MOB2: variants seen among roughly 807,000 people sequenced by gnomAD.
MOB2 encodes the protein MOB2 Mps One Binder homolog.
MOB2 carries 14 observed loss-of-function variants against 27.4 expected under a neutral mutation model. That is an observed-to-expected ratio of 0.51 (90% confidence interval 0.34 to 0.80). MOB2 has a LOEUF of 0.80. Ranked by LOEUF, MOB2 falls within the 30% of genes least tolerant of loss-of-function variation. The pLI is 0.01. For missense variants in MOB2, 304 were observed against 354.6 expected (o/e 0.86, Z 1.15); for synonymous variants, 167 against 151.8 (o/e 1.10, Z -0.74).
chr11:1,484,277 GC>G (rs1265323221), intron 1 of MOB2, among the ~76,000 whole-genome samples: 1 of 152,186 alleles, frequency 6.6e-6, no homozygotes, highest in African/African-American at 2.4e-5. Flanking sequence ...GGCACGAGGG[GC>G]CCAGAAATAC....
chr11:1,471,542 A>C, intron 3 of MOB2, 123 bp from the exon 4 acceptor site: 2 of 1,246,786 alleles, frequency 1.6e-6, no homozygotes, highest in Non-Finnish European at 2.2e-6. Context: ...TGGCAGACCC[A>C]GGTGTCTCCC....
At chr11:1,476,615 T>C (rs1466286571) in intron 3 of MOB2, among the ~76,000 whole-genome samples, 1 of 152,266 alleles carries the variant, frequency 6.6e-6, no homozygotes, top group East Asian at 1.9e-4. Context: ...ATCTCAGTGC[T>C]TTCTGTTCTT....
At chr11:1,475,160 G>T (rs1847838690) in intron 3 of MOB2, among the ~76,000 whole-genome samples, 1 of 152,136 alleles carries the variant, frequency 6.6e-6, no homozygotes, top group African/African-American at 2.4e-5. Flanking sequence ...TTATAACTAA[G>T]GATCGCATTA....
At position 1,469,935 on chromosome 11, in the gene MOB2, G is replaced by C. The variant is rs780098436; in HGVS notation, c.*237C>G. ...TCAGTCCCATGCGTGTCTGCTGAACGAGTGAATGGGCCCAAAGGCTCTTCT... is the reference window on the plus strand; with the variant it reads ...TCAGTCCCATGCGTGTCTGCTGAACCAGTGAATGGGCCCAAAGGCTCTTCT... On this transcript the variant is annotated 3_prime_UTR_variant, in exon 5 of 5. Coordinates refer to ENST00000329957, the MANE Select transcript of MOB2 (RefSeq NM_001172223.3). 1.1e-6 allele frequency: 1 copy of C among 951,802 alleles called. No homozygotes were observed. Among genetic ancestry groups the C allele is most frequent in the East Asian group, 2.6e-5 (1 of 38,030 alleles). The allele number at this position is 951,802 out of a possible 1,614,324, so 59.0% of individuals were successfully genotyped here.
At position 1,470,375 on chromosome 11, in the gene MOB2, G is replaced by C. The variant is rs1847771528; in HGVS notation, c.604C>G (p.Leu202Val). ...AHFKETLALELHGHLNTLYVH... is the reference protein window; with the variant it reads ...AHFKETLALEVHGHLNTLYVH... Reference sequence around the variant, plus strand: ...TAGAGCGTGTTCAAGTGTCCGTGCAGCTCCAGGGCCAGCGTCTCCTTGAAG... The same window carrying C: ...TAGAGCGTGTTCAAGTGTCCGTGCACCTCCAGGGCCAGCGTCTCCTTGAAG... Residue 202 changes from leucine to valine, a missense_variant, in exon 5 of 5, where the codon CTG (leucine) becomes GTG (valine). Physicochemically the swap from Leu to Val is conservative, Grantham distance 32. Coordinates refer to ENST00000329957, the MANE Select transcript of MOB2 (RefSeq NM_001172223.3). 1 of 1,613,564 alleles carries C rather than the reference G, an allele frequency of 6.2e-7. No homozygotes were observed. The highest frequency in any genetic ancestry group is 1.1e-5 in the South Asian group (1 of 91,090).
chr11:1,474,723 C>T (rs1251684944), intron 3 of MOB2, among the ~76,000 whole-genome samples: 10 of 152,306 alleles, frequency 6.6e-5, no homozygotes, highest in Non-Finnish European at 7.3e-5. Flanking sequence ...TCCATCCACA[C>T]GTTTGTGTGG....
At position 1,469,651 on chromosome 11, in the gene MOB2, G is replaced by C. The variant is rs1483619723; in HGVS notation, c.*521C>G. On this transcript the variant is annotated 3_prime_UTR_variant, in exon 5 of 5. Coordinates refer to ENST00000329957, the MANE Select transcript of MOB2 (RefSeq NM_001172223.3). ...TGACAGGAGCAGGAGCAGGTGCAGG[G>C]CACCTCACACCACAGGCCTCCCCCA... The C allele has an allele frequency of 2.2e-6, 1 of 457,122 alleles. No homozygotes were observed. Among genetic ancestry groups the C allele is most frequent in the Admixed American group, 2.3e-5 (1 of 42,586 alleles). 28.3% of individuals were successfully genotyped at this position (457,122 alleles called of 1,614,324 possible). A position where few individuals can be genotyped will look rare whatever the true frequency, so the allele number is the denominator to read the frequency against.
In MOB2 at chr11:1,486,671, G is replaced by T; in HGVS notation, c.-115C>A. On this transcript the variant is annotated 5_prime_UTR_variant, in exon 1 of 5. Coordinates refer to ENST00000329957, the MANE Select transcript of MOB2 (RefSeq NM_001172223.3). Reference sequence around the variant, plus strand: ...TCACTCCCTGGCCAATGGGACGCCTGGCAGAGACAAACAGCTGCCCCCTTT... The same window carrying T: ...TCACTCCCTGGCCAATGGGACGCCTTGCAGAGACAAACAGCTGCCCCCTTT... 1 of 689,494 alleles carries T rather than the reference G, an allele frequency of 1.5e-6. No individual in the cohort carries two copies. Among genetic ancestry groups the T allele is most frequent in the Non-Finnish European group, 2.5e-6 (1 of 400,542 alleles). 42.7% of individuals were successfully genotyped at this position (689,494 alleles called of 1,614,324 possible).
In MOB2 at chr11:1,486,488, G is replaced by A. The variant is rs1456890679; in HGVS notation, c.69C>T (p.Leu23=). ...CAGCCTGAAGCACCATTTTGCAGCA[G>A]AGTCCACTTTGCAGGGACTGGCCGG... ...ARPGQSLQSG[L]CCKMVLQAVS... The change falls in exon 1 of 5, where the codon CTC becomes CTT. Residue 23 remains leucine, a synonymous_variant. Transcript: ENST00000329957. 2 of 1,535,936 alleles carry A rather than the reference G, an allele frequency of 1.3e-6. No individual in the cohort carries two copies. Among genetic ancestry groups the A allele is most frequent in the Non-Finnish European group, 1.7e-6 (2 of 1,146,838 alleles).
At chr11:1,482,392 C>G (rs1290206411) in intron 1 of MOB2, among the ~76,000 whole-genome samples, 1 of 152,234 alleles carries the variant, frequency 6.6e-6, no homozygotes, top group Non-Finnish European at 1.5e-5. Flanking sequence ...GCCAGCCTTC[C>G]AGGCTGGGGC....
chr11:1,479,357 G>A (rs1847885139), intron 3 of MOB2, among the ~76,000 whole-genome samples: 1 of 152,208 alleles, frequency 6.6e-6, no homozygotes, highest in Non-Finnish European at 1.5e-5. Flanking sequence ...GTCTCACATT[G>A]AGCTTGCTCC....
chr11:1,486,222 C>A (rs1362874827), intron 1 of MOB2, among the ~76,000 whole-genome samples: 1 of 152,276 alleles, frequency 6.6e-6, no homozygotes, highest in East Asian at 1.9e-4. Context: ...CTGGGCAGGG[C>A]TCCAGAGCAA....
chr11:1,472,803 TGGGCACAGGGCCTCCAGTGTCTCC>T (rs71025735), intron 3 of MOB2: 66,464 of 154,722 alleles, frequency 0.43, 15,488 homozygotes, highest in East Asian at 0.62. Context: ...TCCTCCCAGC[TGGGCACAGGGCCTCCAGTGTCTCC>T]GGGCACAGGG....
intron 2 of MOB2, 84 bp from the exon 3 acceptor site, chr11:1,480,570 G>A: frequency 6.5e-7 from 1 of 1,549,732 alleles, no homozygotes; most frequent in East Asian, 2.2e-5. Flanking sequence ...AACAGGTGCA[G>A]GAGCTCGGCT....
intron 1 of MOB2, among the ~76,000 whole-genome samples, chr11:1,481,996 C>G (rs1162456881): frequency 6.6e-6 from 1 of 152,192 alleles, no homozygotes; most frequent in Non-Finnish European, 1.5e-5. Flanking sequence ...CAGCCTGTGC[C>G]AGGCCATGCC....
At chr11:1,474,838 T>C (rs888881138) in intron 3 of MOB2, among the ~76,000 whole-genome samples, 5 of 152,264 alleles carry the variant, frequency 3.3e-5, no homozygotes, top group African/African-American at 1.2e-4. Flanking sequence ...GCACACTGTC[T>C]TAATTACTAG....
chr11:1,471,449 G>A (rs773616233), intron 3 of MOB2, 30 bp from the exon 4 acceptor site: 2 of 1,588,520 alleles, frequency 1.3e-6, no homozygotes, highest in South Asian at 1.1e-5. Flanking sequence ...GTCAGGGCAT[G>A]CGCCCGCTGC....
chr11:1,480,601 C>T (rs1285609608), intron 2 of MOB2, 115 bp from the exon 3 acceptor site: 4 of 1,527,628 alleles, frequency 2.6e-6, no homozygotes, highest in African/African-American at 1.4e-5. Context: ...TGCCCGTCCA[C>T]GGGCCACATT....
intron 1 of MOB2, among the ~76,000 whole-genome samples, chr11:1,485,196 C>T (rs1025579875): frequency 7.2e-5 from 11 of 152,198 alleles, no homozygotes; most frequent in South Asian, 2.1e-4. Flanking sequence ...GGACTCCGCC[C>T]GTCTTCCTTA....
Sources: allele counts gnomAD v4.1 joint callset (sites outside exome capture counted in the v4.1 genomes callset), GRCh38; gene constraint gnomAD v4.1.1; transcripts MANE v1.5; gene names NCBI Gene and HGNC (gene_info 2026-07-23, HGNC 2026-07-21).